The following ATF7IP variants were observed in gnomAD, a reference collection of about 807,000 sequenced individuals.
The protein encoded by ATF7IP is activating transcription factor 7-interacting protein 1.
In ATF7IP, 23 loss-of-function variants were observed where a neutral mutation model predicts 106.4. That is an observed-to-expected ratio of 0.22 (90% CI 0.16 to 0.31). The LOEUF (loss-of-function observed/expected upper bound fraction) is 0.31, where lower values mean the gene tolerates loss of function less well. Ranked by LOEUF, ATF7IP falls within the 10% of genes least tolerant of loss-of-function variation. The pLI, the probability that ATF7IP is intolerant of heterozygous loss-of-function variation, is 1.00. For synonymous variants in ATF7IP, 542 were observed against 539.0 expected, an observed-to-expected ratio of 1.01 and a Z score of -0.08; for missense variants, 1,334 against 1,524.3, an observed-to-expected ratio of 0.88 and a Z score of 2.08.
chr12:14,478,208 A>G, intron 11 of ATF7IP, 109 bp from the exon 12 acceptor site: 1 of 975,510 alleles, frequency 1.0e-6, no homozygotes, highest in Non-Finnish European at 1.6e-6. Flanking sequence ...TCTTAGAGGT[A>G]AATGTGACAC....
In ATF7IP at chr12:14,385,782, G is replaced by C. The variant is rs147090167; in HGVS notation, c.-8+19955G>C. Reference sequence around the variant, plus strand: ...TTTAAAGGATCCATAAGTAAGCCTTGTTTTGCACAAAGACTACAATTTTTC... The same window carrying C: ...TTTAAAGGATCCATAAGTAAGCCTTCTTTTGCACAAAGACTACAATTTTTC... On this transcript the variant is annotated intron_variant, in intron 1 of 14. Coordinates refer to ENST00000261168, the MANE Select transcript of ATF7IP (RefSeq NM_018179.5). Among the ~76,000 whole-genome samples the C allele has an allele frequency of 6.9e-3, 1,048 of 151,716 alleles. 55 individuals are homozygous for C. Among genetic ancestry groups the C allele is most frequent in the Admixed American group, 0.062 (952 of 15,232 alleles).
Position 14,457,284 on chromosome 12 carries a change from C to T in ATF7IP, c.2147C>T (p.Pro716Leu). The T allele has an allele frequency of 6.2e-7, 1 of 1,607,790 alleles. No individual in the cohort carries two copies. Among genetic ancestry groups the T allele is most frequent in the Non-Finnish European group, 8.5e-7 (1 of 1,178,148 alleles). Reference sequence around the variant, plus strand: ...AGTGCACCACCATCCTTTCAAACTCCTGTGAATACAGGTAACTTTTTTTTT... The same window carrying T: ...AGTGCACCACCATCCTTTCAAACTCTTGTGAATACAGGTAACTTTTTTTTT... ...SESAPPSFQT[P>L]VNTVSSTNLV... The change falls in exon 8 of 15, where the codon CCT becomes CTT. Residue 716 changes from proline to leucine, a missense_variant. By Grantham distance (98) the Pro-to-Leu change is moderately conservative (BLOSUM62 -3). This residue lies in a region of ATF7IP where 171 missense variants were observed against 172.6 expected (regional missense o/e 0.99). Coordinates refer to ENST00000261168, the MANE Select transcript of ATF7IP (RefSeq NM_018179.5).
chr12:14,398,708 ATTAT>A (rs1940004142), intron 1 of ATF7IP, among the ~76,000 whole-genome samples: 1 of 151,704 alleles, frequency 6.6e-6, no homozygotes, highest in African/African-American at 2.4e-5. Flanking sequence ...TTTTTCCTGA[ATTAT>A]TTAAACTTGT....
intron 13 of ATF7IP, among the ~76,000 whole-genome samples, chr12:14,492,069 T>C (rs565486552): frequency 1.8e-4 from 28 of 152,316 alleles, no homozygotes; most frequent in Middle Eastern, 6.8e-3. Context: ...AGCCCTCACC[T>C]TACCAGTCAA....
chr12:14,395,710 G>A (rs1321482298), intron 1 of ATF7IP, among the ~76,000 whole-genome samples: 3 of 151,992 alleles, frequency 2.0e-5, no homozygotes, highest in East Asian at 3.8e-4. Flanking sequence ...GAGTGCTTAT[G>A]TTTTCAAATA....
intron 6 of ATF7IP, among the ~76,000 whole-genome samples, chr12:14,447,706 A>G (rs1053699935): frequency 1.3e-4 from 19 of 151,866 alleles, no homozygotes; most frequent in African/African-American, 4.1e-4. Context: ...GTCTCTTACT[A>G]TTTTCCCCAA....
At chr12:14,394,441 A>G (rs913272732) in intron 1 of ATF7IP, among the ~76,000 whole-genome samples, 2 of 152,176 alleles carry the variant, frequency 1.3e-5, no homozygotes, top group African/African-American at 4.8e-5. Flanking sequence ...CTATTCAAAT[A>G]TGTATATCAA....
chr12:14,475,395 A>C (rs901933337), intron 10 of ATF7IP, among the ~76,000 whole-genome samples: 1 of 152,170 alleles, frequency 6.6e-6, no homozygotes, highest in Non-Finnish European at 1.5e-5. Flanking sequence ...ATTTTGGATG[A>C]TGGGTTACTG....
rs1254866217 is a variant in ATF7IP, at chr12:14,497,929, C to T, written c.3669C>T (p.Pro1223=). ...WKKIGEVKAL[P]LPMACTLTQF... ...AGATTGGGGAAGTCAAGGCACTTCC[C>T]TTGCCCATGGCATGTACTCTCACCC... The change falls in exon 15 of 15, where the codon CCC becomes CCT. Residue 1223 remains proline (P), a synonymous_variant. Transcript: ENST00000261168. 1.9e-6 allele frequency: 3 copies of T among 1,614,090 alleles called. No individual in the cohort carries two copies. Among genetic ancestry groups the T allele is most frequent in the Admixed American group, 1.7e-5 (1 of 59,998 alleles).
intron 1 of ATF7IP, chr12:14,385,425 T>C: frequency 6.5e-7 from 1 of 1,528,358 alleles, no homozygotes. Context: ...CTCTTTTATC[T>C]TAAACATTCT....
chr12:14,377,602 C>T (rs758317645), intron 1 of ATF7IP, among the ~76,000 whole-genome samples: 6 of 151,394 alleles, frequency 4.0e-5, no homozygotes, highest in South Asian at 2.1e-4. Context: ...TGAGCCACCG[C>T]GCCCGGCCTT....
chr12:14,420,328 C>T (rs1941431164), intron 1 of ATF7IP: 1 of 152,090 alleles, frequency 6.6e-6, no homozygotes. Flanking sequence ...CAAGATAAAG[C>T]TGTAATTGAT....
chr12:14,434,947 G>C (rs568234862), intron 3 of ATF7IP, among the ~76,000 whole-genome samples: 1 of 152,230 alleles, frequency 6.6e-6, no homozygotes, highest in South Asian at 2.1e-4. Flanking sequence ...AATTAGCCAG[G>C]CATGGTGGCA....
intron 1 of ATF7IP, chr12:14,408,574 A>G (rs1591807072): frequency 1.3e-5 from 2 of 152,150 alleles, no homozygotes; most frequent in African/African-American, 4.8e-5. Context: ...GAGGGTTTTC[A>G]TCAATATGTA....
At chr12:14,449,568 A>C (rs1481831139) in intron 6 of ATF7IP, among the ~76,000 whole-genome samples, 8 of 88,310 alleles carry the variant, frequency 9.1e-5, no homozygotes, top group Admixed American at 1.8e-4. Flanking sequence ...TGGTTCCCCC[A>C]CCCCCCGCCC....
Position 14,424,625 on chromosome 12 carries a change from T to C in ATF7IP, c.710T>C (p.Val237Ala), listed in dbSNP as rs1405578762. ...DDIASSEITS[V>A]DLASGAPAST... ...ATAGCCTCTAGTGAAATAACTTCTG[T>C]TGATCTGGCTTCTGGAGCACCAGCT... Residue 237 changes from valine to alanine, a missense_variant, in exon 2 of 15, where the codon GTT becomes GCT. Val to Ala is a moderately conservative substitution (Grantham distance 64, BLOSUM62 0). Coordinates refer to ENST00000261168, the MANE Select transcript of ATF7IP (RefSeq NM_018179.5). 6.2e-7 allele frequency: 1 copy of C among 1,613,944 alleles called. No individual in the cohort carries two copies.
At chr12:14,478,029 T>G (rs1299091521) in intron 11 of ATF7IP, among the ~76,000 whole-genome samples, 4 of 152,196 alleles carry the variant, frequency 2.6e-5, no homozygotes, top group African/African-American at 9.6e-5. Flanking sequence ...ATGCAAGTAA[T>G]GAGTTATTCT....
chr12:14,416,273 TTTAA>T (rs886093312), intron 1 of ATF7IP, among the ~76,000 whole-genome samples: 4 of 75,450 alleles, frequency 5.3e-5, no homozygotes, highest in African/African-American at 1.3e-4. Context: ...AAAGTGATTA[TTTAA>T]TATTTAATTC....
At chr12:14,388,369 C>T (rs879733808) in intron 1 of ATF7IP, among the ~76,000 whole-genome samples, 26 of 147,456 alleles carry the variant, frequency 1.8e-4, no homozygotes, top group Admixed American at 4.7e-4. Flanking sequence ...TTTTTCAAGA[C>T]GGAGTCTCAC....
Sources: allele counts gnomAD v4.1 joint callset (sites outside exome capture counted in the v4.1 genomes callset), GRCh38; gene constraint gnomAD v4.1.1; regional missense constraint gnomAD v4.1.1; transcripts MANE v1.5; gene names NCBI Gene and HGNC (gene_info 2026-07-23, HGNC 2026-07-21).